SLC14A2: variants seen among roughly 807,000 people sequenced by gnomAD.
The protein encoded by SLC14A2 is urea transporter 2.
Under a neutral mutation model 104.6 loss-of-function variants are expected in SLC14A2, and 91 were observed. The observed-to-expected ratio is 0.87, with a 90% CI of 0.73 to 1.04. The LOEUF (loss-of-function observed/expected upper bound fraction) is 1.04, where lower values mean the gene tolerates loss of function less well. Among genes scored for constraint, SLC14A2 ranks in the 50% least tolerant of loss-of-function variants. SLC14A2 has a pLI of 0.00. For missense variants in SLC14A2, 1,189 were observed against 1,156.0 expected (o/e 1.03, Z -0.41); for synonymous variants, 476 against 466.4 (o/e 1.02, Z -0.27).
chr18:45,559,922 C>A (rs1421805738), intron 2 of SLC14A2, among the ~76,000 whole-genome samples: 1 of 152,172 alleles, frequency 6.6e-6, no homozygotes, highest in East Asian at 1.9e-4. Context: ...AATGTTTGAC[C>A]CAAGGTGTCT....
chr18:45,635,120 G>A (rs938247764), intron 5 of SLC14A2, among the ~76,000 whole-genome samples: 1 of 152,212 alleles, frequency 6.6e-6, no homozygotes, highest in African/African-American at 2.4e-5. Flanking sequence ...GAACTGGTCG[G>A]TGGCAGGAGA....
intron 2 of SLC14A2, among the ~76,000 whole-genome samples, chr18:45,513,273 A>G (rs750288527): frequency 3.3e-5 from 5 of 152,194 alleles, no homozygotes; most frequent in East Asian, 1.9e-4. Flanking sequence ...GCTGTACAAA[A>G]TCTTTCAAAC....
chr18:45,389,233 G>A (rs1598745724), intron 1 of SLC14A2, among the ~76,000 whole-genome samples: 2 of 152,216 alleles, frequency 1.3e-5, no homozygotes, highest in African/African-American at 4.8e-5. Context: ...TGGAACATGT[G>A]CTAATTGCAA....
chr18:45,417,858 CTTT>C (rs2144510297), intron 1 of SLC14A2, among the ~76,000 whole-genome samples: 1 of 152,198 alleles, frequency 6.6e-6, no homozygotes, highest in East Asian at 1.9e-4. Context: ...GAGGAAAGGA[CTTT>C]TTTAAGTTCC....
chr18:45,466,024 T>A (rs2087135310), intron 1 of SLC14A2, among the ~76,000 whole-genome samples: 1 of 152,148 alleles, frequency 6.6e-6, no homozygotes, highest in Non-Finnish European at 1.5e-5. Flanking sequence ...AAACTATAGA[T>A]TTTATCAGCC....
chr18:45,384,927 T>A (rs2085878373), intron 1 of SLC14A2, among the ~76,000 whole-genome samples: 1 of 152,222 alleles, frequency 6.6e-6, no homozygotes, highest in African/African-American at 2.4e-5. Flanking sequence ...CTTTCCAGCA[T>A]GATGGCACCT....
intron 1 of SLC14A2, among the ~76,000 whole-genome samples, chr18:45,272,834 C>A (rs920623367): frequency 6.6e-6 from 1 of 152,078 alleles, no homozygotes; most frequent in Non-Finnish European, 1.5e-5. Flanking sequence ...GCTTATTTCA[C>A]ATTGCATGCC....
chr18:45,464,559 G>A (rs2087105305), intron 1 of SLC14A2, among the ~76,000 whole-genome samples: 1 of 152,208 alleles, frequency 6.6e-6, no homozygotes, highest in Admixed American at 6.5e-5. Flanking sequence ...GGCATGAGTG[G>A]CAGATGTTCA....
chr18:45,682,379 A>C lies in SLC14A2; in HGVS notation c.2623A>C (p.Thr875Pro). ...CTCAGCTCTCACCTTCCTGCTCCTG[A>C]CGACCAATAACCCCGCCATCTACAA... ...CLSALTFLLL[T>P]TNNPAIYKLP... The change falls in exon 20 of 20, where the codon ACG becomes CCG. Residue 875 changes from threonine (T) to proline (P), a missense_variant. By Grantham distance (38) the Thr-to-Pro change is conservative (BLOSUM62 -1). Transcript: ENST00000255226. The C allele has an allele frequency of 6.2e-7, 1 of 1,614,028 alleles. No homozygotes were observed. The highest frequency in any genetic ancestry group is 8.5e-7 in the Non-Finnish European group (1 of 1,180,014).
chr18:45,516,159 C>T (rs937059676), intron 2 of SLC14A2, among the ~76,000 whole-genome samples: 1 of 152,198 alleles, frequency 6.6e-6, no homozygotes, highest in Non-Finnish European at 1.5e-5. Flanking sequence ...AATATAAACT[C>T]TCCATGATGT....
intron 18 of SLC14A2, among the ~76,000 whole-genome samples, chr18:45,675,413 C>A (rs1270776480): frequency 6.6e-6 from 1 of 152,060 alleles, no homozygotes; most frequent in Non-Finnish European, 1.5e-5. Context: ...CCTCCTTCTA[C>A]AAGTTAAAGA....
At chr18:45,579,340 T>TAGAG (rs1277840729) in intron 2 of SLC14A2, among the ~76,000 whole-genome samples, 1 of 152,202 alleles carries the variant, frequency 6.6e-6, no homozygotes, top group Non-Finnish European at 1.5e-5. Flanking sequence ...ATTACAAATA[T>TAGAG]AGAGATCTTT....
At chr18:45,345,155 A>G (rs548916011) in intron 1 of SLC14A2, among the ~76,000 whole-genome samples, 13 of 152,162 alleles carry the variant, frequency 8.5e-5, no homozygotes, top group Admixed American at 8.5e-4. Context: ...TCACTTTGTG[A>G]AGACCCACAG....
chr18:45,435,744 T>C (rs1036630948), intron 1 of SLC14A2, among the ~76,000 whole-genome samples: 2 of 152,114 alleles, frequency 1.3e-5, no homozygotes, highest in African/African-American at 4.8e-5. Context: ...CCTGTTCTGG[T>C]CAAGAGCCTT....
At chr18:45,593,635 G>A (rs2044683222) in intron 2 of SLC14A2, among the ~76,000 whole-genome samples, 1 of 151,416 alleles carries the variant, frequency 6.6e-6, no homozygotes, top group African/African-American at 2.4e-5. Context: ...GACTACAGGT[G>A]CCTGCCACCA....
intron 1 of SLC14A2, among the ~76,000 whole-genome samples, chr18:45,392,858 T>C (rs1003490790): frequency 6.6e-6 from 1 of 152,248 alleles, no homozygotes; most frequent in Non-Finnish European, 1.5e-5. Context: ...AAAAGGTTTT[T>C]CTTCATAGGC....
the SLC14A2 span, among the ~76,000 whole-genome samples, chr18:45,187,286 T>A: frequency 6.6e-6 from 1 of 151,914 alleles, no homozygotes; most frequent in Admixed American, 6.6e-5. Flanking sequence ...CCTCAAAAGT[T>A]TAGATGGAGG....
intron 4 of SLC14A2, among the ~76,000 whole-genome samples, chr18:45,631,118 G>C (rs931432096): frequency 6.6e-6 from 1 of 152,190 alleles, no homozygotes; most frequent in South Asian, 2.1e-4. Flanking sequence ...CTTCTGCCAT[G>C]CAAGAACAGC....
intron 1 of SLC14A2, among the ~76,000 whole-genome samples, chr18:45,239,009 T>C (rs1435470017): frequency 6.6e-6 from 1 of 152,104 alleles, no homozygotes; most frequent in Admixed American, 6.6e-5. Context: ...CTTTAATAAG[T>C]GTATATAAGA....
Sources: allele counts gnomAD v4.1 joint callset (sites outside exome capture counted in the v4.1 genomes callset), GRCh38; gene constraint gnomAD v4.1.1; transcripts MANE v1.5; gene names NCBI Gene and HGNC (gene_info 2026-07-23, HGNC 2026-07-21).